ADK: variants seen among roughly 807,000 people sequenced by gnomAD.
The protein encoded by ADK is N6,N6-dimethyladenosine kinase.
A neutral mutation model predicts 44.7 loss-of-function variants in ADK; 24 were observed. The observed-to-expected ratio is 0.54, with a 90% CI of 0.39 to 0.76. The LOEUF (loss-of-function observed/expected upper bound fraction) is 0.76, where lower values mean the gene tolerates loss of function less well. ADK is among the 30% of genes least tolerant of loss of function. The probability of loss-of-function intolerance (pLI) is 0.00; values close to 1 mark genes in which losing one functional copy is unlikely to be tolerated. For synonymous variants in ADK, 128 were observed against 142.6 expected (o/e 0.90, Z 0.73); for missense variants, 321 against 425.1 (o/e 0.76, Z 2.15).
chr10:74,302,377 C>T (rs1428109773), intron 3 of ADK, among the ~76,000 whole-genome samples: 1 of 151,552 alleles, frequency 6.6e-6, no homozygotes, highest in Admixed American at 6.6e-5. Context: ...CCACCTCAGC[C>T]TCCCAAAGTG....
chr10:74,628,239 G>A (rs1349618900), intron 9 of ADK, among the ~76,000 whole-genome samples: 3 of 151,944 alleles, frequency 2.0e-5, no homozygotes, highest in Non-Finnish European at 4.4e-5. Context: ...GTTTTTCTAG[G>A]TTTTACTTAA....
chr10:74,249,407 A>C (rs747988152), intron 3 of ADK, among the ~76,000 whole-genome samples: 3 of 151,732 alleles, frequency 2.0e-5, no homozygotes, highest in Non-Finnish European at 4.4e-5. Flanking sequence ...CTATGCTTCT[A>C]TTTTTCTCTG....
chr10:74,419,273 A>G (rs974684599), intron 6 of ADK, among the ~76,000 whole-genome samples: 1 of 152,118 alleles, frequency 6.6e-6, no homozygotes, highest in African/African-American at 2.4e-5. Context: ...TGGTATGTAC[A>G]ATATTTAAAG....
At chr10:74,444,951 G>A (rs1268855781) in intron 6 of ADK, among the ~76,000 whole-genome samples, 1 of 151,886 alleles carries the variant, frequency 6.6e-6, no homozygotes, top group African/African-American at 2.4e-5. Flanking sequence ...TAAAGGTGTA[G>A]GTTAGAAAAG....
intron 1 of ADK, among the ~76,000 whole-genome samples, chr10:74,154,223 C>A (rs1841690452): frequency 6.6e-6 from 1 of 151,878 alleles, no homozygotes; most frequent in Non-Finnish European, 1.5e-5. Flanking sequence ...TCACATGTGT[C>A]CTTTCTATCT....
Position 74,343,361 on chromosome 10 carries a change from A to G in ADK, c.273+28616A>G, listed in dbSNP as rs551237496. 1.2e-3 allele frequency among the ~76,000 whole-genome samples: 178 copies of G among 152,318 alleles called. 1 individual carries two copies. The highest frequency in any genetic ancestry group is 2.3e-3 in the Non-Finnish European group (157 of 68,026). On this transcript the variant is annotated intron_variant, in intron 4 of 10. Transcript: ENST00000539909. ...CAATTACCACATATTTTATATATGT[A>G]TCATATAAAGAATATATTATTAAGA... is the stretch of plus-strand genomic sequence containing the variant.
chr10:74,683,852 C>T (rs1589367104), intron 10 of ADK, among the ~76,000 whole-genome samples: 1 of 152,248 alleles, frequency 6.6e-6, no homozygotes, highest in Admixed American at 6.5e-5. Context: ...GCTTTCTGAT[C>T]TCCTGCAGTT....
chr10:74,647,449 A>G (rs1854094088), intron 9 of ADK, among the ~76,000 whole-genome samples: 1 of 152,202 alleles, frequency 6.6e-6, no homozygotes, highest in Non-Finnish European at 1.5e-5. Context: ...AAAGGTAATT[A>G]CAGCTTCTAC....
chr10:74,155,089 T>C (rs956789548), intron 1 of ADK, among the ~76,000 whole-genome samples: 1 of 152,266 alleles, frequency 6.6e-6, no homozygotes, highest in Non-Finnish European at 1.5e-5. Flanking sequence ...CAGCAAATGC[T>C]GAGCTTTTCT....
At chr10:74,193,140 T>C (rs1843004231) in intron 1 of ADK, among the ~76,000 whole-genome samples, 1 of 152,250 alleles carries the variant, frequency 6.6e-6, no homozygotes, top group South Asian at 2.1e-4. Flanking sequence ...TATCTGGTGA[T>C]ACTCTGTATT....
At chr10:74,303,691 G>A (rs1159958937) in intron 3 of ADK, among the ~76,000 whole-genome samples, 1 of 143,972 alleles carries the variant, frequency 6.9e-6, no homozygotes, top group African/African-American at 2.6e-5. Context: ...TATCAAGCTG[G>A]GTGCAGTGGC....
At chr10:74,590,756 T>C (rs1851689121) in intron 8 of ADK, among the ~76,000 whole-genome samples, 1 of 152,176 alleles carries the variant, frequency 6.6e-6, no homozygotes, top group Admixed American at 6.5e-5. Flanking sequence ...CTGGCAATTA[T>C]ATGTAGGACA....
intron 6 of ADK, among the ~76,000 whole-genome samples, chr10:74,429,138 T>C (rs1844896161): frequency 6.6e-6 from 1 of 152,244 alleles, no homozygotes; most frequent in Non-Finnish European, 1.5e-5. Context: ...AGATAAATTG[T>C]CCTAAAGTTA....
chr10:74,193,303 G>T (rs1235792032), intron 1 of ADK, among the ~76,000 whole-genome samples: 2 of 151,562 alleles, frequency 1.3e-5, no homozygotes, highest in Non-Finnish European at 2.9e-5. Flanking sequence ...ACAACATGCA[G>T]GTTTGTTACA....
chr10:74,628,342 G>A (rs1459536161), intron 9 of ADK, among the ~76,000 whole-genome samples: 1 of 152,034 alleles, frequency 6.6e-6, no homozygotes, highest in South Asian at 2.1e-4. Flanking sequence ...TTGACCTCTT[G>A]TGCTGTTTTT....
chr10:74,214,615 C>T (rs559006902), intron 2 of ADK, among the ~76,000 whole-genome samples: 14 of 152,338 alleles, frequency 9.2e-5, no homozygotes, highest in South Asian at 4.1e-4. Flanking sequence ...TCTGTTCCTG[C>T]GCCTTTCAAG....
At chr10:74,208,049 A>C (rs1843666856) in intron 2 of ADK, among the ~76,000 whole-genome samples, 1 of 152,180 alleles carries the variant, frequency 6.6e-6, no homozygotes. Flanking sequence ...GAGCACATGC[A>C]CACCTGCTGG....
intron 6 of ADK, among the ~76,000 whole-genome samples, chr10:74,414,523 G>A (rs1294102540): frequency 6.6e-6 from 1 of 152,054 alleles, no homozygotes; most frequent in Non-Finnish European, 1.5e-5. Flanking sequence ...ATCACTTGAG[G>A]TCAGGAGTTG....
intron 6 of ADK, among the ~76,000 whole-genome samples, chr10:74,513,649 C>G (rs1848440358): frequency 6.6e-6 from 1 of 152,060 alleles, no homozygotes; most frequent in African/African-American, 2.4e-5. Flanking sequence ...TTGTAGATAG[C>G]ATATAATTGG....
Sources: gnomAD v4.1 joint callset for allele counts (sites outside exome capture counted in the v4.1 genomes callset) on GRCh38, gnomAD v4.1.1 for gene constraint, MANE v1.5 for transcripts, NCBI Gene and HGNC (gene_info 2026-07-23, HGNC 2026-07-21) for gene names.